SPECC1: variants seen among roughly 807,000 people sequenced by gnomAD.
The protein encoded by SPECC1 is sperm antigen with calponin homology and coiled-coil domains 1, also known as cytospin-B.
SPECC1 carries 62 observed loss-of-function variants against 104.1 expected under a neutral mutation model. The ratio of observed to expected loss-of-function variants is 0.60; its 90% CI spans 0.49 to 0.74. The LOEUF is 0.74. Ranked by LOEUF, SPECC1 falls within the 30% of genes least tolerant of loss-of-function variation. The pLI, the probability that SPECC1 is intolerant of heterozygous loss-of-function variation, is 0.00. For missense variants in SPECC1, 1,306 were observed against 1,310.5 expected, an observed-to-expected ratio of 1.00 and a Z score of 0.05; for synonymous variants, 513 against 501.6, an observed-to-expected ratio of 1.02 and a Z score of -0.30.
At chr17:20,114,669 C>A (rs1281863923) in intron 3 of SPECC1, among the ~76,000 whole-genome samples, 1 of 152,078 alleles carries the variant, frequency 6.6e-6, no homozygotes, top group East Asian at 1.9e-4. Context: ...ACAGACTCAT[C>A]AACATGAGGC....
intron 14 of SPECC1, among the ~76,000 whole-genome samples, chr17:20,312,197 CT>C (rs547772141): frequency 2.0e-5 from 3 of 152,152 alleles, no homozygotes; most frequent in Admixed American, 2.0e-4. Context: ...TTATTTCTTC[CT>C]TAAGTATTTG....
chr17:20,176,224 G>C (rs2034462718), intron 3 of SPECC1, among the ~76,000 whole-genome samples: 1 of 152,176 alleles, frequency 6.6e-6, no homozygotes, highest in Non-Finnish European at 1.5e-5. Flanking sequence ...AAGTTAATAA[G>C]TTCTCAATGA....
Position 20,316,527 on chromosome 17 carries a change from C to CA in SPECC1, c.*2463dup. On this transcript the variant is annotated 3_prime_UTR_variant, in exon 15 of 15. Transcript: ENST00000395527. ...GATTACAGGTGCCCATCACCACACC[C>CA]AGCTAATGTTTTTGTATTTTTAGTA... 1 of 187,468 alleles carries CA rather than the reference C, an allele frequency of 5.3e-6. No individual in the cohort carries two copies. Among genetic ancestry groups the CA allele is most frequent in the East Asian group, 8.5e-5 (1 of 11,742 alleles). 11.6% of individuals were successfully genotyped at this position (187,468 alleles called of 1,614,324 possible).
In SPECC1 at chr17:20,245,911, C is replaced by T; in HGVS notation, c.2352-15C>T. 6.2e-7 allele frequency: 1 copy of T among 1,613,850 alleles called. No homozygotes were observed. Among genetic ancestry groups the T allele is most frequent in the South Asian group, 1.1e-5 (1 of 91,060 alleles). On this transcript the variant is annotated splice_polypyrimidine_tract_variant and intron_variant, in intron 7 of 14. Coordinates refer to ENST00000395527, the MANE Select transcript of SPECC1 (RefSeq NM_001243439.2). ...TCCTCCATCTTTTCAATCTGATTTG[C>T]TCTTTGCCATGCAGACCTGTGGATG...
intron 3 of SPECC1, among the ~76,000 whole-genome samples, chr17:20,147,882 A>T (rs567612422): frequency 5.6e-4 from 86 of 152,286 alleles, no homozygotes; most frequent in African/African-American, 1.5e-3. Flanking sequence ...TAAAACATTT[A>T]AAAAAGTTAG....
intron 1 of SPECC1, among the ~76,000 whole-genome samples, chr17:20,061,436 A>G (rs2046181076): frequency 2.0e-5 from 3 of 152,188 alleles, no homozygotes; most frequent in Admixed American, 2.0e-4. Flanking sequence ...GGGCCTCTAC[A>G]TGTCCTCCAT....
At chr17:20,055,164 A>G (rs550242630) in intron 1 of SPECC1, among the ~76,000 whole-genome samples, 1 of 152,156 alleles carries the variant, frequency 6.6e-6, no homozygotes, top group African/African-American at 2.4e-5. Context: ...GGTATCTCAT[A>G]TAAGTGGAGT....
At chr17:20,288,749 T>TGGCAGGA (rs1435661547) in intron 12 of SPECC1, among the ~76,000 whole-genome samples, 1 of 149,076 alleles carries the variant, frequency 6.7e-6, no homozygotes, top group Non-Finnish European at 1.5e-5. Context: ...CTCAGAATCA[T>TGGCAGGA]GGCAGGAGGT....
At chr17:20,087,928 A>G (rs954759230) in intron 1 of SPECC1, among the ~76,000 whole-genome samples, 3 of 152,184 alleles carry the variant, frequency 2.0e-5, no homozygotes, top group African/African-American at 7.2e-5. Context: ...TGGAGCAGAG[A>G]CTGACCTAGG....
At chr17:20,111,951 A>T in intron 3 of SPECC1, 1 of 792,934 alleles carries the variant, frequency 1.3e-6, no homozygotes, top group East Asian at 2.4e-5. Context: ...ACCAGTGTGT[A>T]TAATGGCAAA....
At chr17:20,099,283 T>C (rs2152508518) in intron 2 of SPECC1, among the ~76,000 whole-genome samples, 1 of 152,146 alleles carries the variant, frequency 6.6e-6, no homozygotes, top group Non-Finnish European at 1.5e-5. Flanking sequence ...TTTTTCTATA[T>C]CCAATAAGCA....
At chr17:20,162,321 A>AT (rs936741138) in intron 3 of SPECC1, among the ~76,000 whole-genome samples, 1 of 145,536 alleles carries the variant, frequency 6.9e-6, no homozygotes, top group African/African-American at 2.6e-5. Context: ...AATTTTTTCT[A>AT]TTTTTTAGTA....
At chr17:20,293,096 T>C (rs1237256017) in intron 12 of SPECC1, among the ~76,000 whole-genome samples, 1 of 152,176 alleles carries the variant, frequency 6.6e-6, no homozygotes, top group East Asian at 1.9e-4. Context: ...ACCATCTCTT[T>C]TGACCTCAGT....
chr17:20,265,372 G>C (rs185534179), intron 12 of SPECC1, among the ~76,000 whole-genome samples: 2 of 152,242 alleles, frequency 1.3e-5, no homozygotes, highest in South Asian at 4.1e-4. Context: ...GATGTTGAGC[G>C]TGTTTTCATG....
At position 20,096,627 on chromosome 17, in the gene SPECC1, G is replaced by T. The variant is rs1326352777; in HGVS notation, c.-21-4G>T. On this transcript the variant is annotated splice_polypyrimidine_tract_variant and splice_region_variant and intron_variant, in intron 1 of 14. Coordinates refer to ENST00000395527, the MANE Select transcript of SPECC1 (RefSeq NM_001243439.2). The stretch of plus-strand genomic sequence containing the variant: ...ACATGTTTTTCTTTTCTGCTCTTTT[G>T]CAGGACAGACCCACGAAGTCAAGCA... The T allele has an allele frequency of 6.3e-7, 1 of 1,594,640 alleles. No individual in the cohort carries two copies. Among genetic ancestry groups the T allele is most frequent in the Non-Finnish European group, 8.6e-7 (1 of 1,168,852 alleles).
Position 20,153,406 on chromosome 17 carries a change from C to A in SPECC1, c.283+42844C>A, listed in dbSNP as rs1030812178. ...GGGTAGAGGGGAGCCACAGGAACTT[C>A]TAGGCAGAGGCATGGCGCAGTCAGA... On this transcript the variant is annotated intron_variant, in intron 3 of 14. Transcript: ENST00000395527. Among the ~76,000 whole-genome samples, 8 of 152,312 alleles carry A rather than the reference C, an allele frequency of 5.3e-5. No homozygotes were observed. In the South Asian group the frequency reaches 1.4e-3, roughly 28 times the overall value.
rs114247640 is a variant in SPECC1, at chr17:20,315,194, C to G, written c.*1129C>G. On this transcript the variant is annotated 3_prime_UTR_variant, in exon 15 of 15. Coordinates refer to ENST00000395527, the MANE Select transcript of SPECC1 (RefSeq NM_001243439.2). ...CTGACAGCAAATCCCAACAGTATTT[C>G]GGCTCTGGACTGATTTGGCCTTTAG... The G allele has an allele frequency of 1.7e-4, 39 of 232,770 alleles. No individual in the cohort carries two copies. Among genetic ancestry groups the G allele is most frequent in the Non-Finnish European group, 2.6e-4 (31 of 117,862 alleles). The allele number at this position is 232,770 out of a possible 1,614,324, so 14.4% of individuals were successfully genotyped here.
intron 1 of SPECC1, among the ~76,000 whole-genome samples, chr17:20,076,249 GAGTGC>G (rs2152486145): frequency 6.6e-6 from 1 of 152,274 alleles, no homozygotes; most frequent in African/African-American, 2.4e-5. Flanking sequence ...GCCTAGGCTG[GAGTGC>G]AGTAGCGTGA....
chr17:20,120,078 A>G (rs752692121), intron 3 of SPECC1, among the ~76,000 whole-genome samples: 4 of 152,202 alleles, frequency 2.6e-5, no homozygotes, highest in Non-Finnish European at 4.4e-5. Flanking sequence ...CCCTGTAGTA[A>G]TAAGCTTGGG....
Sources: allele counts gnomAD v4.1 joint callset (sites outside exome capture counted in the v4.1 genomes callset), GRCh38; gene constraint gnomAD v4.1.1; transcripts MANE v1.5; gene names NCBI Gene and HGNC (gene_info 2026-07-23, HGNC 2026-07-21).